Variants in CLEC1B observed in about 807,000 individuals in gnomAD.
CLEC1B encodes the protein C-type lectin domain family 1 member B.
A neutral mutation model predicts 26.7 loss-of-function variants in CLEC1B; 26 were observed. The observed-to-expected ratio is 0.97, with a 90% CI of 0.71 to 1.35. CLEC1B has a LOEUF of 1.35. Ranked by LOEUF, CLEC1B falls within the 40% of genes most tolerant of loss-of-function variation. The pLI, the probability that CLEC1B is intolerant of heterozygous loss-of-function variation, is 0.00. For missense variants in CLEC1B, 293 were observed against 282.6 expected (o/e 1.04, Z -0.26); for synonymous variants, 112 against 96.0 (o/e 1.17, Z -0.97).
At chr12:9,996,791 C>A in intron 4 of CLEC1B, 55 bp downstream of exon 4, 1 of 1,580,330 alleles carries the variant, frequency 6.3e-7, no homozygotes, top group Non-Finnish European at 8.7e-7. Context: ...TCAAGTGTTA[C>A]ATTTGAGGTT....
chr12:9,998,458 C>T (rs1865105010), intron 1 of CLEC1B, 78 bp from the exon 2 acceptor site: 3 of 1,025,254 alleles, frequency 2.9e-6, no homozygotes, highest in East Asian at 2.4e-5. Context: ...TGCCCCTGCC[C>T]CTGCCTTCTC....
rs771615733 is a variant in CLEC1B at position 9,993,288 on chromosome 12, C to T, written c.546-1G>A. On this transcript the variant is annotated splice_acceptor_variant, in intron 5 of 5. Coordinates refer to ENST00000298527, the MANE Select transcript of CLEC1B (RefSeq NM_016509.4). LOFTEE classifies it high-confidence loss of function. Reference sequence around the variant, plus strand: ...TTTTCCATCTTCCAAAAACTCAAACCTGTGAAGGGAAAGTTAGAATAAATT... The same window carrying T: ...TTTTCCATCTTCCAAAAACTCAAACTTGTGAAGGGAAAGTTAGAATAAATT... The T allele has an allele frequency of 1.5e-5, 24 of 1,604,524 alleles. No individual in the cohort carries two copies. The highest frequency in any genetic ancestry group is 1.0e-4 in the Admixed American group (6 of 59,602).
At chr12:9,994,833 GCA>G (rs34982294) in intron 5 of CLEC1B, among the ~76,000 whole-genome samples, 3,073 of 150,808 alleles carry the variant, frequency 0.02, 43 homozygotes, top group Middle Eastern at 0.034. Context: ...GTGCATGCGC[GCA>G]CACACACACA....
intron 5 of CLEC1B, among the ~76,000 whole-genome samples, chr12:9,994,212 A>C (rs1179806207): frequency 5.9e-5 from 9 of 152,114 alleles, no homozygotes; most frequent in African/African-American, 2.2e-4. Flanking sequence ...AGAAAATAGC[A>C]AGACAAAAGC....
At chr12:9,999,857 CTTCAT>C (rs1458174072), upstream of CLEC1B, among the ~76,000 whole-genome samples, 4 of 152,294 alleles carry the variant, frequency 2.6e-5, no homozygotes, top group East Asian at 7.7e-4. Flanking sequence ...GATGAAATCA[CTTCAT>C]TTCAAGTACA....
At chr12:9,993,818 T>C (rs148690063) in intron 5 of CLEC1B, among the ~76,000 whole-genome samples, 3 of 152,286 alleles carry the variant, frequency 2.0e-5, no homozygotes, top group African/African-American at 7.2e-5. Flanking sequence ...TCTTTCTTTC[T>C]AAACTGCTTA....
chr12:9,994,535 G>A (rs1864983573), intron 5 of CLEC1B, among the ~76,000 whole-genome samples: 2 of 152,142 alleles, frequency 1.3e-5, no homozygotes, highest in African/African-American at 4.8e-5. Context: ...TGAGACTGCA[G>A]ATTGGAAAGC....
chr12:9,998,035 G>A (rs1865093839), intron 2 of CLEC1B, among the ~76,000 whole-genome samples: 1 of 151,768 alleles, frequency 6.6e-6, no homozygotes, highest in Non-Finnish European at 1.5e-5. Flanking sequence ...CACTGAGGAG[G>A]GTCTTAAAGG....
chr12:9,995,326 C>T (rs1399963895), intron 4 of CLEC1B, 80 bp from the exon 5 acceptor site: 4 of 1,191,160 alleles, frequency 3.4e-6, no homozygotes, highest in Non-Finnish European at 5.0e-6. Context: ...CATGATAAGA[C>T]GTTGGACAAA....
intron 4 of CLEC1B, 161 bp downstream of exon 4, chr12:9,996,685 A>T: frequency 1.3e-6 from 1 of 755,708 alleles, no homozygotes; most frequent in Non-Finnish European, 2.3e-6. Context: ...GAGTGGATTG[A>T]ATATCTGGGT....
Position 9,996,953 on chromosome 12 carries a change from C to T in CLEC1B, c.331G>A (p.Asp111Asn). ...TGCCTGAAGAACCCATAGCAGCTAT[C>T]TCCATAATATCTCCAGTTTGTGTCA... Reference protein sequence around the residue: ...PCDTNWRYYGDSCYGFFRHNL... With the variant: ...PCDTNWRYYGNSCYGFFRHNL... The change falls in exon 4 of 6, where the codon GAT becomes AAT. Residue 111 changes from aspartate to asparagine, a missense_variant. Transcript: ENST00000298527. 6.2e-7 allele frequency: 1 copy of T among 1,614,144 alleles called. No homozygotes were observed.
In CLEC1B at chr12:9,999,068, A is replaced by G; in HGVS notation, c.33T>C (p.Asn11=). MQDEDGYITL[N]IKTRKPALIS... is the part of the protein sequence containing the mutation. ...TGAGAGCTGGTTTCCGAGTTTTAATATTTAAGGTGATGTATCCATCTTCAT... is the reference window on the plus strand; with the variant it reads ...TGAGAGCTGGTTTCCGAGTTTTAATGTTTAAGGTGATGTATCCATCTTCAT... The change falls in exon 1 of 6, where the codon AAT becomes AAC. Residue 11 remains asparagine, a synonymous_variant. Transcript: ENST00000298527. 1.2e-6 allele frequency: 2 copies of G among 1,609,346 alleles called. No homozygotes were observed. The highest frequency in any genetic ancestry group is 1.7e-6 in the Non-Finnish European group (2 of 1,176,682).
upstream of CLEC1B, among the ~76,000 whole-genome samples, chr12:10,001,076 T>TA (rs1392813701): frequency 6.6e-6 from 1 of 152,220 alleles, no homozygotes; most frequent in Non-Finnish European, 1.5e-5. Context: ...TTAAATCAGA[T>TA]ATGTAAAGGT....
intron 4 of CLEC1B, 158 bp from the exon 5 acceptor site, chr12:9,995,404 T>A (rs1006101140): frequency 2.5e-5 from 17 of 690,702 alleles, no homozygotes; most frequent in Non-Finnish European, 2.6e-6. Flanking sequence ...TGTACCAATT[T>A]GACTTGTCTG....
At chr12:9,996,660 G>A (rs1591851006) in intron 4 of CLEC1B, 186 bp downstream of exon 4, 10 of 712,354 alleles carry the variant, frequency 1.4e-5, no homozygotes, top group Middle Eastern at 3.6e-4. Context: ...CTCTATCAGT[G>A]TTGTAGAATA....
chr12:9,996,387 A>T (rs538626273), intron 4 of CLEC1B, among the ~76,000 whole-genome samples: 2 of 152,336 alleles, frequency 1.3e-5, no homozygotes, highest in South Asian at 4.1e-4. Context: ...GGATATGCAT[A>T]TATGTCTCGA....
Position 9,996,883 on chromosome 12 carries a change from T to G in CLEC1B, c.401A>C (p.Asn134Thr), listed in dbSNP as rs1200753327. Residue 134 changes from asparagine (N) to threonine (T), a missense_variant, in exon 4 of 6, where the codon AAT (asparagine) becomes ACT (threonine). Physicochemically the swap from Asn to Thr is moderately conservative, Grantham distance 65. Coordinates refer to ENST00000298527, the MANE Select transcript of CLEC1B (RefSeq NM_016509.4). Reference protein sequence around the residue: ...EESKQYCTDMNATLLKIDNRN... With the variant: ...EESKQYCTDMTATLLKIDNRN... ...GTTGTCAATCTTCAGGAGAGTAGCA[T>G]TCATGTCAGTGCAGTACTGCTTACT... The G allele has an allele frequency of 1.2e-6, 2 of 1,614,074 alleles. No individual in the cohort carries two copies. Among genetic ancestry groups the G allele is most frequent in the Non-Finnish European group, 8.5e-7 (1 of 1,179,938 alleles).
At position 9,993,155 on chromosome 12, in the gene CLEC1B, G is replaced by A; in HGVS notation, c.678C>T (p.Asp226=). ...CERKAGMTKV[D]QLP ...CCACCTCTTTGCATTAAGGTAGTTG[G>A]TCCACCTTGGTCATGCCAGCCTTCC... Residue 226 remains aspartate, a synonymous_variant, in exon 6 of 6, where the codon GAC becomes GAT. Transcript: ENST00000298527. 2.5e-6 allele frequency: 4 copies of A among 1,610,076 alleles called. No individual in the cohort carries two copies. The highest frequency in any genetic ancestry group is 3.4e-6 in the Non-Finnish European group (4 of 1,177,916).
chr12:9,999,117 C>A lies in CLEC1B; in HGVS notation c.-17G>T. ...ATCCTGCATGGCTTCCCGAGTACTG[C>A]AACTGAGCTCAGAGTTCAATGACTT... On this transcript the variant is annotated 5_prime_UTR_variant, in exon 1 of 6. Coordinates refer to ENST00000298527, the MANE Select transcript of CLEC1B (RefSeq NM_016509.4). The A allele has an allele frequency of 6.3e-7, 1 of 1,575,364 alleles. No homozygotes were observed. The highest frequency in any genetic ancestry group is 8.7e-7 in the Non-Finnish European group (1 of 1,152,440).
Sources: gnomAD v4.1 joint callset for allele counts (sites outside exome capture counted in the v4.1 genomes callset) on GRCh38, gnomAD v4.1.1 for gene constraint, MANE v1.5 for transcripts, NCBI Gene and HGNC (gene_info 2026-07-23, HGNC 2026-07-21) for gene names.